NUMB: variants seen among roughly 807,000 people sequenced by gnomAD.
The protein encoded by NUMB is NUMB endocytic adaptor protein, also known as protein numb homolog.
In NUMB, 29 loss-of-function variants were observed where a neutral mutation model predicts 59.7. That is an observed-to-expected ratio of 0.49 (90% confidence interval 0.36 to 0.66). The LOEUF (loss-of-function observed/expected upper bound fraction) is 0.66. Ranked by LOEUF, NUMB falls within the 30% of genes least tolerant of loss-of-function variation. The probability of loss-of-function intolerance (pLI) is 0.00; values close to 1 mark genes in which losing one functional copy is unlikely to be tolerated. For synonymous variants in NUMB, 288 were observed against 288.2 expected (o/e 1.00, Z 0.01); for missense variants, 723 against 822.0 (o/e 0.88, Z 1.47).
At position 73,284,075 on chromosome 14, in the gene NUMB, C is replaced by T. The variant is rs754451181; in HGVS notation, c.949+6G>A. The T allele has an allele frequency of 2.5e-6, 4 of 1,612,908 alleles. No homozygotes were observed. Among genetic ancestry groups the T allele is most frequent in the East Asian group, 2.2e-5 (1 of 44,892 alleles). On this transcript the variant is annotated splice_donor_region_variant and intron_variant, in intron 10 of 12. Transcript: ENST00000555238. ...TACCCAGTGAGTCAGGTAGATGCTA[C>T]ATTACCTGCATTTTTAATGGGGAAA...
intron 2 of NUMB, among the ~76,000 whole-genome samples, chr14:73,388,971 C>T (rs1237215760): frequency 6.6e-6 from 1 of 151,918 alleles, no homozygotes; most frequent in East Asian, 1.9e-4. Context: ...TGGTGGCGGG[C>T]GCCTGCAGTC....
At chr14:73,281,834 T>C (rs935427274) in intron 11 of NUMB, among the ~76,000 whole-genome samples, 1 of 152,178 alleles carries the variant, frequency 6.6e-6, no homozygotes, top group African/African-American at 2.4e-5. Flanking sequence ...TTGGGCTGGA[T>C]AATCCTTTGT....
chr14:73,334,041 G>T (rs975951369), intron 4 of NUMB, among the ~76,000 whole-genome samples: 16 of 148,680 alleles, frequency 1.1e-4, no homozygotes, highest in Non-Finnish European at 1.9e-4. Context: ...ATTTTTGGGG[G>T]TTTTTTGTGT....
At chr14:73,356,501 G>A (rs972544275) in intron 3 of NUMB, among the ~76,000 whole-genome samples, 1 of 152,064 alleles carries the variant, frequency 6.6e-6, no homozygotes, top group African/African-American at 2.4e-5. Flanking sequence ...AAATTAGCCA[G>A]GTGTGGTGGT....
At chr14:73,364,646 TAGAC>T (rs1027067189) in intron 3 of NUMB, among the ~76,000 whole-genome samples, 2 of 152,204 alleles carry the variant, frequency 1.3e-5, no homozygotes, top group African/African-American at 2.4e-5. Flanking sequence ...TATTTTTTTT[TAGAC>T]AGGGTCTTGC....
At chr14:73,408,802 AG>A (rs1303984447) in intron 2 of NUMB, among the ~76,000 whole-genome samples, 5 of 150,854 alleles carry the variant, frequency 3.3e-5, no homozygotes, top group African/African-American at 1.2e-4. Flanking sequence ...ACTTCAACCC[AG>A]GAGGCAGAGG....
intron 3 of NUMB, 147 bp from the exon 4 acceptor site, chr14:73,355,913 C>A: frequency 1.7e-6 from 1 of 585,350 alleles, no homozygotes; most frequent in Non-Finnish European, 3.0e-6. Flanking sequence ...CATGTAAGCA[C>A]AGTGTAAAGG....
At chr14:73,398,453 T>TGC (rs1896255591) in intron 2 of NUMB, among the ~76,000 whole-genome samples, 1 of 142,162 alleles carries the variant, frequency 7.0e-6, no homozygotes, top group Non-Finnish European at 1.6e-5. Context: ...TGTGTGTGTG[T>TGC]TTAAAGACCA....
chr14:73,440,827 CAAAAAA>C (rs397713746), intron 1 of NUMB, among the ~76,000 whole-genome samples: 10 of 47,820 alleles, frequency 2.1e-4, no homozygotes, highest in Middle Eastern at 0.014. Context: ...GACTCCGTCT[CAAAAAA>C]AAAAAAAAAA....
chr14:73,378,977 T>C (rs1339767027), intron 2 of NUMB, among the ~76,000 whole-genome samples: 1 of 152,162 alleles, frequency 6.6e-6, no homozygotes, highest in Non-Finnish European at 1.5e-5. Flanking sequence ...ATATGGGAAC[T>C]CTCTGTACTT....
intron 2 of NUMB, among the ~76,000 whole-genome samples, chr14:73,394,421 A>AAG (rs2140103915): frequency 6.6e-6 from 1 of 150,400 alleles, no homozygotes; most frequent in Non-Finnish European, 1.5e-5. Context: ...AAAAAAAAAA[A>AAG]AAGAGAGAGA....
intron 2 of NUMB, among the ~76,000 whole-genome samples, chr14:73,392,114 G>A (rs1005065540): frequency 3.3e-5 from 5 of 152,274 alleles, no homozygotes; most frequent in South Asian, 2.1e-4. Flanking sequence ...ATGTGAACTG[G>A]AGGTGCTTGC....
At chr14:73,408,272 T>G (rs1047456772) in intron 2 of NUMB, among the ~76,000 whole-genome samples, 20 of 151,574 alleles carry the variant, frequency 1.3e-4, no homozygotes, top group Admixed American at 6.6e-5. Flanking sequence ...TTACCAGAAA[T>G]TTAGCAGGTA....
chr14:73,417,401 T>TCC (rs144655941), intron 1 of NUMB, among the ~76,000 whole-genome samples: 5 of 151,816 alleles, frequency 3.3e-5, no homozygotes, highest in Non-Finnish European at 7.4e-5. Context: ...GTCTGCATGT[T>TCC]CCCCCTCCTG....
At chr14:73,350,053 A>G (rs971155452) in intron 4 of NUMB, among the ~76,000 whole-genome samples, 1 of 134,526 alleles carries the variant, frequency 7.4e-6, no homozygotes, top group Non-Finnish European at 1.6e-5. Flanking sequence ...ACATACATAC[A>G]TACATATATA....
At chr14:73,415,185 G>C (rs1476121107) in intron 1 of NUMB, among the ~76,000 whole-genome samples, 1 of 102,010 alleles carries the variant, frequency 9.8e-6, no homozygotes, top group African/African-American at 4.5e-5. Context: ...TTAACAGACT[G>C]TAGTGCTTGC....
At chr14:73,370,146 G>T (rs1212857602) in intron 2 of NUMB, among the ~76,000 whole-genome samples, 1 of 152,016 alleles carries the variant, frequency 6.6e-6, no homozygotes, top group South Asian at 2.1e-4. Flanking sequence ...GGACCATTAA[G>T]AGATAATTAG....
chr14:73,426,373 C>A (rs1897577057), intron 1 of NUMB, among the ~76,000 whole-genome samples: 1 of 152,132 alleles, frequency 6.6e-6, no homozygotes, highest in South Asian at 2.1e-4. Context: ...GGCTGGGAGT[C>A]TGGCTTCCTT....
chr14:73,455,459 CAAGTT>C (rs1456731751), intron 1 of NUMB, among the ~76,000 whole-genome samples: 2 of 152,196 alleles, frequency 1.3e-5, no homozygotes, highest in Non-Finnish European at 2.9e-5. Flanking sequence ...GTTCCTCAAA[CAAGTT>C]AAGTTTACAA....
Sources: gnomAD v4.1 joint callset for allele counts (sites outside exome capture counted in the v4.1 genomes callset) on GRCh38, gnomAD v4.1.1 for gene constraint, MANE v1.5 for transcripts, NCBI Gene and HGNC (gene_info 2026-07-23, HGNC 2026-07-21) for gene names.